The following IL1RAPL1 variants were observed in gnomAD, a reference collection of about 807,000 sequenced individuals.
IL1RAPL1 encodes the protein interleukin 1 receptor accessory protein like 1, also known as interleukin-1 receptor accessory protein-like 1.
IL1RAPL1 carries 3 observed loss-of-function variants against 48.4 expected under a neutral mutation model. That is an observed-to-expected ratio of 0.06 (90% confidence interval 0.03 to 0.16). The LOEUF (loss-of-function observed/expected upper bound fraction) is 0.16, where lower values mean the gene tolerates loss of function less well. Ranked by LOEUF, IL1RAPL1 falls within the 10% of genes least tolerant of loss-of-function variation. The pLI, the probability that IL1RAPL1 is intolerant of heterozygous loss-of-function variation, is 1.00. For missense variants in IL1RAPL1, 349 were observed against 530.6 expected (o/e 0.66, Z 3.36); for synonymous variants, 185 against 187.7 (o/e 0.99, Z 0.12).
chrX:29,922,323 AT>A (rs1054681307), intron 8 of IL1RAPL1, among the ~76,000 whole-genome samples: 13 of 112,121 alleles, frequency 1.2e-4, no homozygotes, highest in African/African-American at 4.2e-4. Context: ...AATGTGGTCA[AT>A]GTTAGAGTAT....
At chrX:29,885,040 C>T (rs184852335) in intron 6 of IL1RAPL1, among the ~76,000 whole-genome samples, 44 of 95,876 alleles carry the variant, frequency 4.6e-4, no homozygotes, top group Middle Eastern at 9.9e-3. Context: ...AATTCTTCAT[C>T]CCCCCGTCTT....
At chrX:29,057,564 AT>A (rs1446223224) in intron 2 of IL1RAPL1, among the ~76,000 whole-genome samples, 1 of 110,390 alleles carries the variant, frequency 9.1e-6, no homozygotes, top group Non-Finnish European at 1.9e-5. Flanking sequence ...AGTAGCTGAG[AT>A]TACAGGCACC....
chrX:29,160,401 T>C (rs1929658682), intron 2 of IL1RAPL1, among the ~76,000 whole-genome samples: 1 of 111,921 alleles, frequency 8.9e-6, no homozygotes, highest in Non-Finnish European at 1.9e-5. Flanking sequence ...TTAATTTTAC[T>C]GTTGTGTTCT....
At chrX:28,869,195 G>T (rs1922148362) in intron 2 of IL1RAPL1, among the ~76,000 whole-genome samples, 1 of 112,269 alleles carries the variant, frequency 8.9e-6, no homozygotes. Context: ...TTATTTTTGT[G>T]TGTGTGTTTC....
intron 2 of IL1RAPL1, among the ~76,000 whole-genome samples, chrX:29,082,463 T>C (rs912352037): frequency 8.9e-6 from 1 of 112,285 alleles, no homozygotes; most frequent in Non-Finnish European, 1.9e-5. Context: ...GAGTGAAATA[T>C]ACAACCAATA....
chrX:29,319,326 G>C (rs1011433662), intron 3 of IL1RAPL1, among the ~76,000 whole-genome samples: 5 of 98,115 alleles, frequency 5.1e-5, no homozygotes, highest in African/African-American at 1.9e-4. Flanking sequence ...CGAGTAGCTA[G>C]AACTACAAGT....
intron 2 of IL1RAPL1, among the ~76,000 whole-genome samples, chrX:29,196,038 A>G (rs1217954130): frequency 8.9e-6 from 1 of 112,251 alleles, no homozygotes; most frequent in Non-Finnish European, 1.9e-5. Flanking sequence ...GCTGCCAAAA[A>G]GTCCAGATTT....
At chrX:28,707,037 G>C (rs1417355072) in intron 1 of IL1RAPL1, among the ~76,000 whole-genome samples, 1 of 112,414 alleles carries the variant, frequency 8.9e-6, no homozygotes, top group Non-Finnish European at 1.9e-5. Flanking sequence ...AACAGAACCT[G>C]TCAAGTCCAG....
At chrX:28,677,846 C>T (rs1935015765) in intron 1 of IL1RAPL1, among the ~76,000 whole-genome samples, 1 of 111,325 alleles carries the variant, frequency 9.0e-6, no homozygotes, top group Non-Finnish European at 1.9e-5. Flanking sequence ...TCTTAGCCTC[C>T]CAAAGTGTTG....
chrX:29,387,034 A>G (rs1462776921), intron 3 of IL1RAPL1, among the ~76,000 whole-genome samples: 3 of 112,349 alleles, frequency 2.7e-5, no homozygotes, highest in Non-Finnish European at 3.7e-5. Flanking sequence ...CTGCATATAC[A>G]TAGAATGAAA....
chrX:29,117,344 G>A (rs1415129811), intron 2 of IL1RAPL1, among the ~76,000 whole-genome samples: 1 of 112,009 alleles, frequency 8.9e-6, no homozygotes. Context: ...TGAATGAAAA[G>A]CTAAGTGTTC....
intron 6 of IL1RAPL1, among the ~76,000 whole-genome samples, chrX:29,851,592 C>A (rs915914575): frequency 1.8e-5 from 2 of 111,809 alleles, no homozygotes; most frequent in African/African-American, 6.5e-5. Context: ...AAGGCAGTAA[C>A]CAAAACATCT....
At chrX:28,863,300 C>T (rs1443390603) in intron 2 of IL1RAPL1, among the ~76,000 whole-genome samples, 1 of 109,944 alleles carries the variant, frequency 9.1e-6, no homozygotes, top group Non-Finnish European at 1.9e-5. Flanking sequence ...TCAGATCTAC[C>T]TTTGTAGCAT....
At chrX:29,421,410 AC>A (rs1934288853) in intron 5 of IL1RAPL1, among the ~76,000 whole-genome samples, 2 of 109,090 alleles carry the variant, frequency 1.8e-5, no homozygotes, top group Non-Finnish European at 1.9e-5. Context: ...TCCCACACAT[AC>A]CCCCACCCCT....
chrX:29,394,202 T>C (rs184717474), intron 3 of IL1RAPL1, among the ~76,000 whole-genome samples: 4 of 110,912 alleles, frequency 3.6e-5, no homozygotes, highest in African/African-American at 9.8e-5. Context: ...ATTGCTTTCA[T>C]TGGGGCTGCC....
At chrX:29,363,603 G>T (rs981618704) in intron 3 of IL1RAPL1, among the ~76,000 whole-genome samples, 1 of 111,490 alleles carries the variant, frequency 9.0e-6, no homozygotes, top group Admixed American at 9.6e-5. Context: ...AAGAAAGGGG[G>T]TTTAATTGGC....
chrX:29,935,393 G>A (rs185161186), intron 8 of IL1RAPL1, among the ~76,000 whole-genome samples: 52 of 110,626 alleles, frequency 4.7e-4, no homozygotes, highest in African/African-American at 1.3e-3. Context: ...TAACTATATC[G>A]TTCATTTCAT....
intron 5 of IL1RAPL1, among the ~76,000 whole-genome samples, chrX:29,584,851 G>C (rs1173297519): frequency 8.9e-6 from 1 of 112,025 alleles, no homozygotes; most frequent in African/African-American, 3.2e-5. Flanking sequence ...ATCATACCTG[G>C]CCCATCCTAC....
intron 6 of IL1RAPL1, among the ~76,000 whole-genome samples, chrX:29,889,706 T>A (rs770370080): frequency 9.0e-6 from 1 of 111,317 alleles, no homozygotes; most frequent in Non-Finnish European, 1.9e-5. Context: ...TGTTTGTCTA[T>A]TATTATACAC....
Sources: gnomAD v4.1 joint callset for allele counts (sites outside exome capture counted in the v4.1 genomes callset) on GRCh38, gnomAD v4.1.1 for gene constraint, MANE v1.5 for transcripts, NCBI Gene and HGNC (gene_info 2026-07-23, HGNC 2026-07-21) for gene names.